The following ARHGAP19 variants were observed in gnomAD, a reference collection of about 807,000 sequenced individuals.
ARHGAP19 encodes the protein Rho GTPase activating protein 19, also known as rho GTPase-activating protein 19.
ARHGAP19 carries 48 observed loss-of-function variants against 60.9 expected under a neutral mutation model. That is an observed-to-expected ratio of 0.79 (90% CI 0.62 to 1.00). The LOEUF (loss-of-function observed/expected upper bound fraction) is 1.00. ARHGAP19 is among the 50% of genes least tolerant of loss of function. ARHGAP19 has a pLI of 0.00. For synonymous variants in ARHGAP19, 209 were observed against 215.5 expected, an observed-to-expected ratio of 0.97 and a Z score of 0.27; for missense variants, 562 against 597.2, an observed-to-expected ratio of 0.94 and a Z score of 0.61.
chr10:97,253,278 T>G (rs1275462004), intron 6 of ARHGAP19, among the ~76,000 whole-genome samples: 1 of 151,374 alleles, frequency 6.6e-6, no homozygotes, highest in African/African-American at 2.4e-5. Flanking sequence ...CTCGAGAGGC[T>G]GAGGCAGGAG....
intron 1 of ARHGAP19, among the ~76,000 whole-genome samples, chr10:97,273,191 C>T (rs1386132265): frequency 6.6e-6 from 1 of 151,546 alleles, no homozygotes; most frequent in Non-Finnish European, 1.5e-5. Flanking sequence ...GAGATGAAGT[C>T]TTGCTCTGTT....
At position 97,224,198 on chromosome 10, in the gene ARHGAP19, G is replaced by A. The variant is rs10748691; in HGVS notation, c.*1924C>T. 78,693 of 152,026 alleles carry A rather than the reference G, an allele frequency of 0.52. 21,770 individuals carry two copies. Among genetic ancestry groups the A allele is most frequent in the East Asian group, 0.71 (3,698 of 5,178 alleles). 9.4% of individuals were successfully genotyped at this position (152,026 alleles called of 1,614,324 possible). ...GTTTAACAGACCATAGCACCACTTC[G>A]GGATGAAGCACGTCTAAACAAATAA... is the stretch of plus-strand genomic sequence containing the variant. On this transcript the variant is annotated 3_prime_UTR_variant, in exon 12 of 12. Transcript: ENST00000358531.
chr10:97,242,854 T>G (rs1423475223), intron 8 of ARHGAP19, among the ~76,000 whole-genome samples: 1 of 152,066 alleles, frequency 6.6e-6, no homozygotes, highest in Non-Finnish European at 1.5e-5. Context: ...TTCTCCATGT[T>G]GGTCAGGCTG....
At chr10:97,241,089 G>A (rs1842473743) in intron 8 of ARHGAP19, among the ~76,000 whole-genome samples, 1 of 152,164 alleles carries the variant, frequency 6.6e-6, no homozygotes, top group African/African-American at 2.4e-5. Context: ...GGGAGGCCAA[G>A]GCAGGTGGAT....
intron 9 of ARHGAP19, 120 bp downstream of exon 9, chr10:97,235,097 T>C: frequency 1.1e-6 from 1 of 895,028 alleles, no homozygotes; most frequent in East Asian, 2.5e-5. Context: ...TTTACCCCCT[T>C]ATAAACTAGC....
At position 97,292,556 on chromosome 10, in the gene ARHGAP19, A is replaced by C; in HGVS notation, c.56+16T>G. The C allele has an allele frequency of 6.2e-7, 1 of 1,614,108 alleles. No individual in the cohort carries two copies. The highest frequency in any genetic ancestry group is 8.5e-7 in the Non-Finnish European group (1 of 1,180,006). On this transcript the variant is annotated intron_variant, in intron 1 of 11. Coordinates refer to ENST00000358531, the MANE Select transcript of ARHGAP19 (RefSeq NM_032900.6). ...AAGGCCGCGTTTCCCAGGAAACTGG[A>C]CCAAACTCAGCTCACCTCCGGCCGG...
intron 1 of ARHGAP19, among the ~76,000 whole-genome samples, chr10:97,285,519 CT>C (rs1245251335): frequency 0.039 from 4,333 of 110,782 alleles, 33 homozygotes; most frequent in Non-Finnish European, 0.06. Flanking sequence ...TTTTTTTTTG[CT>C]TTTTTTTTTT....
intron 4 of ARHGAP19, among the ~76,000 whole-genome samples, chr10:97,262,255 G>A (rs530560533): frequency 6.6e-6 from 1 of 151,490 alleles, no homozygotes; most frequent in East Asian, 1.9e-4. Flanking sequence ...GGGACTGGGT[G>A]AACTGGGTGT....
intron 5 of ARHGAP19, among the ~76,000 whole-genome samples, chr10:97,257,365 G>A (rs1321679890): frequency 6.9e-6 from 1 of 145,592 alleles, no homozygotes; most frequent in Non-Finnish European, 1.5e-5. Flanking sequence ...ATAACTCACT[G>A]CAGCTGCAAA....
At position 97,266,017 on chromosome 10, in the gene ARHGAP19, C is replaced by A; in HGVS notation, c.165G>T (p.Glu55Asp). 1 of 1,614,164 alleles carries A rather than the reference C, an allele frequency of 6.2e-7. No individual in the cohort carries two copies. The highest frequency in any genetic ancestry group is 8.5e-7 in the Non-Finnish European group (1 of 1,180,036). The change falls in exon 2 of 12, where the codon GAG becomes GAT. Residue 55 changes from glutamate (E) to aspartate (D), a missense_variant. Glu to Asp is a conservative substitution (Grantham distance 45). Transcript: ENST00000358531. ...TGCTGACCACCAACTCAGTGAAAAT[C>A]TCAGGTTTCTCATGTCGGAGTTTCT... ...FVEKLRHEKP[E>D]IFTELVVSNI...
intron 2 of ARHGAP19, 32 bp from the exon 3 acceptor site, chr10:97,264,938 T>C: frequency 6.6e-7 from 1 of 1,506,100 alleles, no homozygotes; most frequent in Non-Finnish European, 9.2e-7. Flanking sequence ...CAGGGCTATA[T>C]TTCACACAAA....
intron 1 of ARHGAP19, among the ~76,000 whole-genome samples, chr10:97,280,027 A>C (rs779748638): frequency 3.3e-5 from 5 of 152,206 alleles, no homozygotes; most frequent in Non-Finnish European, 7.3e-5. Context: ...TGTCATATGA[A>C]TAAGCATTAA....
intron 1 of ARHGAP19, among the ~76,000 whole-genome samples, chr10:97,280,998 G>A (rs1485229153): frequency 6.6e-6 from 1 of 152,184 alleles, no homozygotes; most frequent in Non-Finnish European, 1.5e-5. Flanking sequence ...CCAAAGTTCA[G>A]AGTGACACAT....
At chr10:97,252,596 C>T (rs916379248) in intron 6 of ARHGAP19, among the ~76,000 whole-genome samples, 8 of 151,968 alleles carry the variant, frequency 5.3e-5, no homozygotes, top group Non-Finnish European at 8.8e-5. Flanking sequence ...TGCACTCCAG[C>T]CTGGTGACAG....
chr10:97,271,442 T>C (rs1842958522), intron 1 of ARHGAP19, among the ~76,000 whole-genome samples: 1 of 151,982 alleles, frequency 6.6e-6, no homozygotes, highest in African/African-American at 2.4e-5. Flanking sequence ...AGGATCAGTA[T>C]TCAGAATTTA....
chr10:97,239,861 C>T (rs547228853), intron 8 of ARHGAP19, among the ~76,000 whole-genome samples: 1 of 151,882 alleles, frequency 6.6e-6, no homozygotes, highest in East Asian at 2.0e-4. Flanking sequence ...GCCTGAGCCA[C>T]CATGCCTGGC....
chr10:97,274,129 G>A (rs928435947), intron 1 of ARHGAP19, among the ~76,000 whole-genome samples: 1 of 152,110 alleles, frequency 6.6e-6, no homozygotes, highest in Non-Finnish European at 1.5e-5. Context: ...TCAGGATAAT[G>A]GTTACCTTTT....
At chr10:97,249,442 T>G (rs1320241913) in intron 6 of ARHGAP19, among the ~76,000 whole-genome samples, 1 of 152,216 alleles carries the variant, frequency 6.6e-6, no homozygotes, top group South Asian at 2.1e-4. Flanking sequence ...CCAAAAATGC[T>G]TAATCTGAAT....
chr10:97,291,173 T>A (rs1398361042), intron 1 of ARHGAP19, among the ~76,000 whole-genome samples: 1 of 152,084 alleles, frequency 6.6e-6, no homozygotes, highest in Non-Finnish European at 1.5e-5. Context: ...ACCCAGGCAT[T>A]AGAGCCAGCA....
Sources: gnomAD v4.1 joint callset for allele counts (sites outside exome capture counted in the v4.1 genomes callset) on GRCh38, gnomAD v4.1.1 for gene constraint, MANE v1.5 for transcripts, NCBI Gene and HGNC (gene_info 2026-07-23, HGNC 2026-07-21) for gene names.